The following NAALADL2 variants were observed in gnomAD, a reference collection of about 807,000 sequenced individuals.
NAALADL2 encodes the protein inactive N-acetylated-alpha-linked acidic dipeptidase-like protein 2.
A neutral mutation model predicts 87.2 loss-of-function variants in NAALADL2; 76 were observed. The ratio of observed to expected loss-of-function variants is 0.87; its 90% confidence interval spans 0.72 to 1.05. The LOEUF (loss-of-function observed/expected upper bound fraction) is 1.05, where lower values mean the gene tolerates loss of function less well. Among genes scored for constraint, NAALADL2 ranks in the 50% least tolerant of loss-of-function variants. NAALADL2 has a pLI of 0.00. For missense variants in NAALADL2, 1,089 were observed against 945.8 expected, an observed-to-expected ratio of 1.15 and a Z score of -1.99; for synonymous variants, 354 against 331.0, an observed-to-expected ratio of 1.07 and a Z score of -0.75.
intron 3 of NAALADL2, among the ~76,000 whole-genome samples, chr3:174,810,597 CAA>C (rs71624292): frequency 2.1e-4 from 23 of 110,072 alleles, no homozygotes; most frequent in Admixed American, 4.4e-4. Flanking sequence ...TATATGTAAG[CAA>C]AAAAAAAAAA....
At chr3:175,270,929 C>G (rs1752740739) in intron 4 of NAALADL2, 1 of 151,992 alleles carries the variant, frequency 6.6e-6, no homozygotes, top group African/African-American at 2.4e-5. Context: ...ACTAAATAGG[C>G]CTATAAGAAA....
At chr3:174,476,741 C>A (rs1717240135) in intron 1 of NAALADL2, among the ~76,000 whole-genome samples, 1 of 151,908 alleles carries the variant, frequency 6.6e-6, no homozygotes, top group Non-Finnish European at 1.5e-5. Flanking sequence ...CCCTACCTAC[C>A]CGTCAGTGTC....
chr3:175,466,902 G>A, intron 7 of NAALADL2, 77 bp from the exon 8 acceptor site: 1 of 1,221,636 alleles, frequency 8.2e-7, no homozygotes. Flanking sequence ...TTGTGCAATA[G>A]AATTATGTAA....
At chr3:175,337,064 TG>T (rs1236984384) in intron 5 of NAALADL2, among the ~76,000 whole-genome samples, 1 of 150,436 alleles carries the variant, frequency 6.6e-6, no homozygotes, top group Non-Finnish European at 1.5e-5. Context: ...GTTGTTACCA[TG>T]GTATCTCTTT....
At chr3:175,358,580 C>T (rs1764643381) in intron 5 of NAALADL2, among the ~76,000 whole-genome samples, 1 of 151,098 alleles carries the variant, frequency 6.6e-6, no homozygotes, top group South Asian at 2.1e-4. Flanking sequence ...ATGAAAGTGA[C>T]AGAATATAAT....
At chr3:174,948,444 T>TCA (rs1739809119) in intron 1 of NAALADL2, among the ~76,000 whole-genome samples, 1 of 152,190 alleles carries the variant, frequency 6.6e-6, no homozygotes, top group African/African-American at 2.4e-5. Context: ...CTCAAAGTGC[T>TCA]GGGATTACAG....
chr3:175,663,494 A>G (rs1427315570), intron 11 of NAALADL2, among the ~76,000 whole-genome samples: 1 of 151,670 alleles, frequency 6.6e-6, no homozygotes, highest in Non-Finnish European at 1.5e-5. Flanking sequence ...ATTTTTTTCA[A>G]TAAAACAACC....
chr3:174,924,004 AAAG>A (rs552954752), intron 1 of NAALADL2, among the ~76,000 whole-genome samples: 99 of 152,306 alleles, frequency 6.5e-4, no homozygotes, highest in African/African-American at 2.2e-3. Context: ...TAGGTTTTTA[AAAG>A]AAGGAGAAAA....
intron 3 of NAALADL2, among the ~76,000 whole-genome samples, chr3:175,236,548 CAAAA>C (rs34787558): frequency 2.8e-4 from 28 of 98,940 alleles, no homozygotes; most frequent in Admixed American, 2.1e-3. Context: ...AACTCCTTCT[CAAAA>C]AAAAAAAAAA....
chr3:175,495,094 T>TATATATATATATATATATATATATA (rs1167550415), intron 9 of NAALADL2, among the ~76,000 whole-genome samples: 5 of 133,282 alleles, frequency 3.8e-5, no homozygotes, highest in African/African-American at 1.1e-4. Context: ...ATATATATAT[T>TATATATATATATATATATATATATA]TTTTTTTAAT....
chr3:175,269,750 C>G (rs1247899175), intron 4 of NAALADL2, among the ~76,000 whole-genome samples: 1 of 152,122 alleles, frequency 6.6e-6, no homozygotes, highest in Non-Finnish European at 1.5e-5. Context: ...TGCTGTTATT[C>G]CAAACCTAGG....
chr3:175,570,689 G>A (rs546464934), intron 9 of NAALADL2, among the ~76,000 whole-genome samples: 11 of 152,064 alleles, frequency 7.2e-5, no homozygotes, highest in Admixed American at 2.6e-4. Context: ...GACCATCCTG[G>A]CTAACATGGT....
intron 2 of NAALADL2, among the ~76,000 whole-genome samples, chr3:174,698,126 G>A (rs1215240928): frequency 1.3e-5 from 2 of 151,928 alleles, no homozygotes; most frequent in African/African-American, 2.4e-5. Flanking sequence ...ATATAAAACC[G>A]ATAAAAATAA....
At chr3:174,888,629 T>C (rs894730888) in intron 1 of NAALADL2, among the ~76,000 whole-genome samples, 3 of 152,228 alleles carry the variant, frequency 2.0e-5, no homozygotes, top group African/African-American at 7.2e-5. Flanking sequence ...AAGTAGTGAC[T>C]CCTATCATTC....
chr3:175,797,927 T>C (rs1753704256), intron 13 of NAALADL2, among the ~76,000 whole-genome samples: 1 of 152,076 alleles, frequency 6.6e-6, no homozygotes, highest in Non-Finnish European at 1.5e-5. Flanking sequence ...GTAAAAGTTC[T>C]CAGAGCCAAG....
chr3:174,792,480 GA>G (rs1717578716), intron 3 of NAALADL2, among the ~76,000 whole-genome samples: 1 of 152,114 alleles, frequency 6.6e-6, no homozygotes, highest in South Asian at 2.1e-4. Flanking sequence ...TGAAATGTAA[GA>G]GCTCTCTACC....
chr3:174,578,000 G>C (rs1715729896), intron 2 of NAALADL2, among the ~76,000 whole-genome samples: 1 of 151,924 alleles, frequency 6.6e-6, no homozygotes, highest in Admixed American at 6.6e-5. Context: ...AATTTCAGTG[G>C]ATGGGCTTAA....
At chr3:175,011,988 C>T (rs1749887994) in intron 1 of NAALADL2, among the ~76,000 whole-genome samples, 1 of 152,094 alleles carries the variant, frequency 6.6e-6, no homozygotes, top group South Asian at 2.1e-4. Flanking sequence ...ATTGCAAAAA[C>T]CTAATCTTTA....
In NAALADL2 at chr3:174,899,648, C is replaced by T. The variant is rs186278991; in HGVS notation, c.43+40198C>T. 4.6e-5 allele frequency among the ~76,000 whole-genome samples: 7 copies of T among 152,258 alleles called. No individual in the cohort carries two copies. In the East Asian group the frequency reaches 5.8e-4, roughly 13 times the overall value. ...GTGATTCCTGTACAGCCTGCATAAC[C>T]GTGAGCCAATTCCACCTCTTTGCTT... On this transcript the variant is annotated intron_variant, in intron 1 of 13. Transcript: ENST00000454872.
Sources: gnomAD v4.1 joint callset for allele counts (sites outside exome capture counted in the v4.1 genomes callset) on GRCh38, gnomAD v4.1.1 for gene constraint, MANE v1.5 for transcripts, NCBI Gene and HGNC (gene_info 2026-07-23, HGNC 2026-07-21) for gene names.